The following RNF115 variants were observed in gnomAD, a reference collection of about 807,000 sequenced individuals.
The protein encoded by RNF115 is E3 ubiquitin-protein ligase RNF115.
In RNF115, 31 loss-of-function variants were observed where a neutral mutation model predicts 39.2. The ratio of observed to expected loss-of-function variants is 0.79; its 90% CI spans 0.59 to 1.07. RNF115 has a LOEUF of 1.07. RNF115 is among the 50% of genes least tolerant of loss of function. RNF115 has a pLI of 0.00. For synonymous variants in RNF115, 124 were observed against 131.0 expected, an observed-to-expected ratio of 0.95 and a Z score of 0.37; for missense variants, 384 against 381.7, an observed-to-expected ratio of 1.01 and a Z score of -0.05.
chr1:145,786,264 G>A (rs1648375070), intron 2 of RNF115, among the ~76,000 whole-genome samples: 1 of 152,140 alleles, frequency 6.6e-6, no homozygotes, highest in South Asian at 2.1e-4. Flanking sequence ...AGCAGATGGA[G>A]CCCATTATCT....
chr1:145,788,808 G>A (rs1323229501), intron 2 of RNF115, 100 bp downstream of exon 2: 1 of 852,906 alleles, frequency 1.2e-6, no homozygotes, highest in Non-Finnish European at 2.0e-6. Flanking sequence ...TCTCTCTGTA[G>A]AGTGTAAGTT....
chr1:145,785,616 A>G (rs1315022954), intron 2 of RNF115, among the ~76,000 whole-genome samples: 3 of 152,200 alleles, frequency 2.0e-5, no homozygotes, highest in Non-Finnish European at 2.9e-5. Flanking sequence ...GCACACAAAC[A>G]TACAAACACT....
rs1387991192 is a variant in RNF115 at position 145,742,356 on chromosome 1, T to C, written c.*4510A>G. 1 of 152,232 alleles carries C rather than the reference T, an allele frequency of 6.6e-6. No homozygotes were observed. The highest frequency in any genetic ancestry group is 2.4e-5 in the African/African-American group (1 of 41,458). The allele number at this position is 152,232 out of a possible 1,614,324, so 9.4% of individuals were successfully genotyped here. A position where few individuals can be genotyped will look rare whatever the true frequency, so the allele number is the denominator to read the frequency against. On this transcript the variant is annotated 3_prime_UTR_variant, in exon 9 of 9. Coordinates refer to ENST00000582693, the MANE Select transcript of RNF115 (RefSeq NM_014455.4). ...TAAAAAAAATCAATAGATAACCGTA[T>C]TGTAGTTCAACTGATTATAATATAG...
chr1:145,782,456 A>C (rs1315560036), intron 3 of RNF115, among the ~76,000 whole-genome samples: 12 of 151,654 alleles, frequency 7.9e-5, no homozygotes, highest in African/African-American at 2.7e-4. Context: ...ATCTCTTAAA[A>C]ACACACACAC....
intron 1 of RNF115, among the ~76,000 whole-genome samples, chr1:145,793,285 G>A (rs1174862837): frequency 6.6e-6 from 1 of 152,216 alleles, no homozygotes; most frequent in Non-Finnish European, 1.5e-5. Context: ...CAACTGCACT[G>A]CAGTCTGGGT....
chr1:145,796,974 A>G (rs1553720191), intron 1 of RNF115, among the ~76,000 whole-genome samples: 1 of 152,192 alleles, frequency 6.6e-6, no homozygotes, highest in Non-Finnish European at 1.5e-5. Context: ...AAAACTTGAA[A>G]AAGTTACATT....
chr1:145,808,786 T>C (rs1649568807), intron 1 of RNF115, among the ~76,000 whole-genome samples: 2 of 152,300 alleles, frequency 1.3e-5, no homozygotes, highest in Non-Finnish European at 2.9e-5. Flanking sequence ...TGTAAACATT[T>C]AGCAGTGACC....
intron 1 of RNF115, among the ~76,000 whole-genome samples, chr1:145,820,458 G>A (rs1650185208): frequency 6.7e-6 from 1 of 150,084 alleles, no homozygotes; most frequent in African/African-American, 2.4e-5. Flanking sequence ...GAAAAAAAGA[G>A]GCCGGGTGCA....
intron 7 of RNF115, among the ~76,000 whole-genome samples, chr1:145,749,545 T>C (rs587748776): frequency 1.3e-5 from 2 of 152,290 alleles, no homozygotes; most frequent in East Asian, 3.9e-4. Flanking sequence ...AATCTCAGAA[T>C]TCTCTTTGAC....
intron 3 of RNF115, among the ~76,000 whole-genome samples, chr1:145,777,939 G>T (rs1647957829): frequency 6.6e-6 from 1 of 152,162 alleles, no homozygotes; most frequent in Non-Finnish European, 1.5e-5. Context: ...GTTCCTCAAT[G>T]AGTTGAACAG....
intron 1 of RNF115, among the ~76,000 whole-genome samples, chr1:145,800,740 G>C (rs10752829): frequency 0.47 from 71,882 of 152,070 alleles, 17,391 homozygotes; most frequent in East Asian, 0.7. Flanking sequence ...AAGACCTTAA[G>C]GGGAGAAGTG....
intron 1 of RNF115, among the ~76,000 whole-genome samples, chr1:145,813,785 T>C (rs1571416): frequency 0.47 from 67,039 of 144,044 alleles, 15,217 homozygotes; most frequent in East Asian, 0.69. Context: ...TAAACACAAT[T>C]AGCACAAGAT....
intron 5 of RNF115, among the ~76,000 whole-genome samples, chr1:145,752,491 A>G (rs1006848810): frequency 6.6e-6 from 1 of 151,930 alleles, no homozygotes; most frequent in Non-Finnish European, 1.5e-5. Flanking sequence ...AGCCTGAATA[A>G]TAATAAAAAA....
At chr1:145,771,326 C>T (rs1647628734) in intron 4 of RNF115, among the ~76,000 whole-genome samples, 1 of 152,208 alleles carries the variant, frequency 6.6e-6, no homozygotes, top group African/African-American at 2.4e-5. Flanking sequence ...TGGAATGACA[C>T]AGCAAGAAGG....
At chr1:145,770,685 A>C (rs1417100978) in intron 4 of RNF115, among the ~76,000 whole-genome samples, 1 of 152,180 alleles carries the variant, frequency 6.6e-6, no homozygotes, top group African/African-American at 2.4e-5. Context: ...TTATTTTATA[A>C]AATGAAAACA....
At chr1:145,792,415 C>T (rs147702630) in intron 1 of RNF115, among the ~76,000 whole-genome samples, 9 of 151,966 alleles carry the variant, frequency 5.9e-5, no homozygotes, top group East Asian at 1.9e-4. Flanking sequence ...AAGGCAGCCT[C>T]GAACTCCTGT....
chr1:145,799,283 G>A (rs1363769821), intron 1 of RNF115, among the ~76,000 whole-genome samples: 1 of 152,058 alleles, frequency 6.6e-6, no homozygotes, highest in Non-Finnish European at 1.5e-5. Flanking sequence ...GGCCAGGATG[G>A]TCTCGATCTC....
At chr1:145,792,087 G>GT (rs1373011322) in intron 1 of RNF115, among the ~76,000 whole-genome samples, 4 of 151,924 alleles carry the variant, frequency 2.6e-5, no homozygotes, top group Non-Finnish European at 4.4e-5. Context: ...CCAGCTATTT[G>GT]TATTTTTGGT....
chr1:145,794,089 C>G (rs1648818134), intron 1 of RNF115, among the ~76,000 whole-genome samples: 1 of 152,194 alleles, frequency 6.6e-6, no homozygotes, highest in Non-Finnish European at 1.5e-5. Flanking sequence ...AGTGATCCGC[C>G]TGCCTCAGCC....
Sources: allele counts gnomAD v4.1 joint callset (sites outside exome capture counted in the v4.1 genomes callset), GRCh38; gene constraint gnomAD v4.1.1; transcripts MANE v1.5; gene names NCBI Gene and HGNC (gene_info 2026-07-23, HGNC 2026-07-21).